MED13: variants seen among roughly 807,000 people sequenced by gnomAD.
MED13 encodes mediator of RNA polymerase II transcription subunit 13.
MED13 carries 23 observed loss-of-function variants against 225.2 expected under a neutral mutation model. The ratio of observed to expected loss-of-function variants is 0.10; its 90% CI spans 0.07 to 0.14. MED13 has a LOEUF of 0.14. MED13 is among the 10% of genes least tolerant of loss of function. The pLI is 1.00. For missense variants in MED13, 2,197 were observed against 2,594.5 expected (o/e 0.85, Z 3.33); for synonymous variants, 942 against 889.2 (o/e 1.06, Z -1.06).
chr17:62,026,102 G>T (rs1037698546), intron 8 of MED13, among the ~76,000 whole-genome samples: 2 of 152,132 alleles, frequency 1.3e-5, no homozygotes, highest in Non-Finnish European at 2.9e-5. Context: ...CACAAGTTCT[G>T]ACTAGGGATG....
At chr17:61,960,801 T>G (rs928175785) in intron 23 of MED13, 66 bp downstream of exon 23, 9 of 1,175,196 alleles carry the variant, frequency 7.7e-6, no homozygotes, top group Non-Finnish European at 1.1e-5. Flanking sequence ...TGGTTTTCTA[T>G]TCATTAAAAA....
At chr17:62,008,016 C>CAAAAA (rs60236710) in intron 9 of MED13, among the ~76,000 whole-genome samples, 678 of 50,464 alleles carry the variant, frequency 0.013, 41 homozygotes, top group African/African-American at 0.038. Context: ...GAGACTGTCT[C>CAAAAA]AAAAAAAAAA....
At chr17:61,951,129 T>A in intron 27 of MED13, 131 bp from the exon 28 acceptor site, 1 of 649,730 alleles carries the variant, frequency 1.5e-6, no homozygotes, top group Non-Finnish European at 2.4e-6. Flanking sequence ...CTGAAGGATA[T>A]TGAAAAAAAA....
intron 17 of MED13, 122 bp downstream of exon 17, chr17:61,972,605 A>G: frequency 1.1e-6 from 1 of 888,526 alleles, no homozygotes; most frequent in East Asian, 2.5e-5. Context: ...ATTGGACCAC[A>G]GTGGCCTTAA....
At chr17:62,015,946 ATATATATATTTTTTTTTTTTTTT>A (rs1241759177) in intron 8 of MED13, among the ~76,000 whole-genome samples, 1 of 13,596 alleles carries the variant, frequency 7.4e-5, no homozygotes, top group Non-Finnish European at 1.4e-4. Context: ...ATATATATAT[ATATATATATTTTTTTTTTTTTTT>A]TTTTTTTTTT....
At chr17:61,987,465 G>T (rs998184870) in intron 11 of MED13, among the ~76,000 whole-genome samples, 3 of 151,792 alleles carry the variant, frequency 2.0e-5, no homozygotes, top group Admixed American at 2.0e-4. Context: ...AAAAAAACCT[G>T]CTACTAATGA....
chr17:62,038,549 A>G (rs1482040941), intron 3 of MED13, among the ~76,000 whole-genome samples: 1 of 152,188 alleles, frequency 6.6e-6, no homozygotes, highest in Non-Finnish European at 1.5e-5. Context: ...AAATGTTTAA[A>G]TATACATTAA....
At chr17:62,046,866 T>C (rs1429479252) in intron 3 of MED13, among the ~76,000 whole-genome samples, 1 of 151,890 alleles carries the variant, frequency 6.6e-6, no homozygotes, top group Non-Finnish European at 1.5e-5. Context: ...TTTCAATTTT[T>C]TTTTTTTAAG....
chr17:61,997,324 A>G (rs1194210456), intron 9 of MED13, among the ~76,000 whole-genome samples: 1 of 152,184 alleles, frequency 6.6e-6, no homozygotes, highest in Non-Finnish European at 1.5e-5. Flanking sequence ...CAAGCATACA[A>G]AAACTTTCTG....
intron 2 of MED13, among the ~76,000 whole-genome samples, chr17:62,057,693 A>G (rs1232434827): frequency 2.0e-5 from 3 of 152,224 alleles, no homozygotes; most frequent in Non-Finnish European, 4.4e-5. Flanking sequence ...ATTCAGAACA[A>G]TAGTCCACTT....
At chr17:62,028,738 G>A (rs977701985) in intron 8 of MED13, among the ~76,000 whole-genome samples, 1 of 151,868 alleles carries the variant, frequency 6.6e-6, no homozygotes, top group Non-Finnish European at 1.5e-5. Context: ...CCAGCTACTT[G>A]GGAGGCTGAG....
chr17:62,031,734 A>G (rs1401438445), intron 5 of MED13, 96 bp from the exon 6 acceptor site: 29 of 607,688 alleles, frequency 4.8e-5, no homozygotes, highest in Non-Finnish European at 6.8e-5. Flanking sequence ...TAGGTATCAC[A>G]TTTATACAAA....
chr17:62,038,887 CTGGCCTCAAACTCT>C (rs546960816), intron 3 of MED13, among the ~76,000 whole-genome samples: 39 of 152,196 alleles, frequency 2.6e-4, no homozygotes, highest in African/African-American at 8.9e-4. Context: ...GTTGCCCAGG[CTGGCCTCAAACTCT>C]TGGCCTCAAG....
chr17:62,020,677 CCTG>C (rs1603403681), intron 8 of MED13, among the ~76,000 whole-genome samples: 2 of 138,192 alleles, frequency 1.4e-5, no homozygotes, highest in African/African-American at 2.7e-5. Context: ...CTGCACCTGG[CCTG>C]CTTTCTTTTT....
intron 8 of MED13, among the ~76,000 whole-genome samples, chr17:62,021,367 C>T (rs1324678556): frequency 2.1e-5 from 3 of 146,094 alleles, no homozygotes; most frequent in African/African-American, 7.6e-5. Context: ...GGGCGGGGGG[C>T]TGACCCCTCC....
intron 16 of MED13, among the ~76,000 whole-genome samples, chr17:61,974,100 C>T (rs1211173727): frequency 6.6e-6 from 1 of 152,072 alleles, no homozygotes; most frequent in Non-Finnish European, 1.5e-5. Context: ...TAGTAGAATA[C>T]TACTTAGTAG....
In MED13 at chr17:61,982,536, C is replaced by A; in HGVS notation, c.3467G>T (p.Gly1156Val). ...TTCAAAACGTTTTTCTGCTTCTTTG[C>A]CACAGTCTGTATTGCGTCCTATGAT... ...LDIIGRNTDC[G>V]KEAEKRFEAL... is the part of the protein sequence containing the mutation. Residue 1156 changes from glycine (G) to valine (V), a missense_variant, in exon 16 of 30, where the codon GGC (glycine) becomes GTC (valine). This residue lies in a region of MED13 where 203 missense variants were observed against 209.7 expected (regional missense o/e 0.97). Coordinates refer to ENST00000397786, the MANE Select transcript of MED13 (RefSeq NM_005121.3). 3.7e-6 allele frequency: 6 copies of A among 1,614,158 alleles called. No individual in the cohort carries two copies. The highest frequency in any genetic ancestry group is 1.1e-5 in the South Asian group (1 of 91,084).
intron 8 of MED13, among the ~76,000 whole-genome samples, chr17:62,013,589 T>A (rs1347906059): frequency 1.3e-5 from 2 of 152,212 alleles, no homozygotes; most frequent in Non-Finnish European, 1.5e-5. Context: ...TGTTTAAGCA[T>A]GAATAATTTC....
chr17:61,994,777 T>C (rs916727880), intron 10 of MED13, among the ~76,000 whole-genome samples: 5 of 152,222 alleles, frequency 3.3e-5, no homozygotes, highest in African/African-American at 9.6e-5. Context: ...TAGCCTGATC[T>C]TGGCTCACTG....
Sources: allele counts gnomAD v4.1 joint callset (sites outside exome capture counted in the v4.1 genomes callset), GRCh38; gene constraint gnomAD v4.1.1; regional missense constraint gnomAD v4.1.1; transcripts MANE v1.5; gene names NCBI Gene and HGNC (gene_info 2026-07-23, HGNC 2026-07-21).